The following ACP6 variants were observed in gnomAD, a reference collection of about 807,000 sequenced individuals.
ACP6 encodes the protein lysophosphatidic acid phosphatase type 6.
In ACP6, 48 loss-of-function variants were observed where a neutral mutation model predicts 48.1. The ratio of observed to expected loss-of-function variants is 1.00; its 90% CI spans 0.79 to 1.27. ACP6 has a LOEUF of 1.27. Among genes scored for constraint, ACP6 ranks in the 50% most tolerant of loss-of-function variants. The pLI, the probability that ACP6 is intolerant of heterozygous loss-of-function variation, is 0.00. For synonymous variants in ACP6, 172 were observed against 204.2 expected, an observed-to-expected ratio of 0.84 and a Z score of 1.34; for missense variants, 485 against 529.1, an observed-to-expected ratio of 0.92 and a Z score of 0.82.
chr1:147,652,452 T>A lies in ACP6; in HGVS notation c.878A>T (p.Asp293Val), dbSNP rs782793879. 6.2e-7 allele frequency: 1 copy of A among 1,611,140 alleles called. No homozygotes were observed. The highest frequency in any genetic ancestry group is 8.5e-7 in the Non-Finnish European group (1 of 1,178,564). ...DTSLYILPKE[D>V]RESLQMAVGP... ...GCCAGCAGTGAGAGCCCCTCACCTG[T>A]CTTCCTTGGGCAGTATGTACAAGGA... The change falls in exon 7 of 10, where the codon GAC becomes GTC. Residue 293 changes from aspartate (D) to valine (V), a missense_variant. By Grantham distance (152) the Asp-to-Val change is radical (BLOSUM62 -3). Transcript: ENST00000583509.
At chr1:147,650,464 T>C in intron 7 of ACP6, 1 of 451,092 alleles carries the variant, frequency 2.2e-6, no homozygotes, top group East Asian at 3.9e-5. Context: ...CACACAGACC[T>C]GTTGTGAACA....
intron 6 of ACP6, 65 bp downstream of exon 6, chr1:147,654,129 C>G: frequency 6.3e-7 from 1 of 1,582,832 alleles, no homozygotes; most frequent in Non-Finnish European, 8.6e-7. Flanking sequence ...TCTCTCCACC[C>G]GGTTCTAACT....
intron 8 of ACP6, among the ~76,000 whole-genome samples, 170 bp from the exon 9 acceptor site, chr1:147,648,581 G>C (rs1553209988): frequency 6.6e-6 from 1 of 152,116 alleles, no homozygotes; most frequent in African/African-American, 2.4e-5. Context: ...AAGAACCCTT[G>C]TTCCCACTCC....
rs1553209322 is a variant in ACP6, at chr1:147,645,246, G to A, written c.*2177C>T. The A allele has an allele frequency of 6.6e-6, 1 of 151,612 alleles. No individual in the cohort carries two copies. The highest frequency in any genetic ancestry group is 6.6e-5 in the Admixed American group (1 of 15,244). 9.4% of individuals were successfully genotyped at this position (151,612 alleles called of 1,614,324 possible). On this transcript the variant is annotated 3_prime_UTR_variant, in exon 10 of 10. Coordinates refer to ENST00000583509, the MANE Select transcript of ACP6 (RefSeq NM_016361.5). Reference sequence around the variant, plus strand: ...ATTTTATAAAAATATAATAATTTTTGTATTTTTAGTAGAGGCAGGTTTAGT... The same window carrying A: ...ATTTTATAAAAATATAATAATTTTTATATTTTTAGTAGAGGCAGGTTTAGT...
At position 147,654,086 on chromosome 1, in the gene ACP6, A is replaced by C. The variant is rs782731508; in HGVS notation, c.780+108T>G. 152 of 1,522,112 alleles carry C rather than the reference A, an allele frequency of 1.0e-4. No homozygotes were observed. Among genetic ancestry groups the C allele is most frequent in the Non-Finnish European group, 1.3e-4 (148 of 1,140,008 alleles). 94.3% of individuals were successfully genotyped at this position (1,522,112 alleles called of 1,614,324 possible). ...CCATTCTATCTGTAGGTCTTATCAC[A>C]GTTGCCTTCAAACCAGGAGGCCTCC... is the stretch of plus-strand genomic sequence containing the variant. On this transcript the variant is annotated intron_variant, in intron 6 of 9. Transcript: ENST00000583509.
Position 147,645,260 on chromosome 1 carries a change from G to A in ACP6, c.*2163C>T, listed in dbSNP as rs1659580498. ...TAATAATTTTTGTATTTTTAGTAGAGGCAGGTTTAGTGGAGACAGGGTTTT... is the reference window on the plus strand; with the variant it reads ...TAATAATTTTTGTATTTTTAGTAGAAGCAGGTTTAGTGGAGACAGGGTTTT... On this transcript the variant is annotated 3_prime_UTR_variant, in exon 10 of 10. Transcript: ENST00000583509. 1 of 151,838 alleles carries A rather than the reference G, an allele frequency of 6.6e-6. No homozygotes were observed. The highest frequency in any genetic ancestry group is 1.5e-5 in the Non-Finnish European group (1 of 67,954). 9.4% of individuals were successfully genotyped at this position (151,838 alleles called of 1,614,324 possible). A position where few individuals can be genotyped will look rare whatever the true frequency, so the allele number is the denominator to read the frequency against.
Position 147,650,241 on chromosome 1 carries a change from G to A in ACP6, c.882-3C>T, listed in dbSNP as rs781788159. On this transcript the variant is annotated splice_region_variant and splice_polypyrimidine_tract_variant and intron_variant, in intron 7 of 9. Transcript: ENST00000583509. ...CTACTGCCATCTGAAGACTTTCCCT[G>A]TGAAAAGTGAACAACATTTAAGCAC... is the stretch of plus-strand genomic sequence containing the variant. 6 of 1,593,256 alleles carry A rather than the reference G, an allele frequency of 3.8e-6. No homozygotes were observed. The East Asian group carries it at 6.9e-5, about 18-fold the overall frequency.
chr1:147,658,672 C>T (rs1553212105), intron 4 of ACP6, among the ~76,000 whole-genome samples: 1 of 152,170 alleles, frequency 6.6e-6, no homozygotes, highest in African/African-American at 2.4e-5. Flanking sequence ...GTTCACAAAA[C>T]ATGGTTAGGA....
At chr1:147,652,220 G>A in intron 7 of ACP6, 1 of 449,346 alleles carries the variant, frequency 2.2e-6, no homozygotes, top group Non-Finnish European at 3.9e-6. Flanking sequence ...TCATGAGGGT[G>A]GTGGCTCCTG....
At chr1:147,641,940 C>T (rs1370681399), downstream of ACP6, among the ~76,000 whole-genome samples, 10 of 152,222 alleles carry the variant, frequency 6.6e-5, no homozygotes, top group African/African-American at 2.4e-4. Flanking sequence ...TTAAGAATCT[C>T]GTGGGAAGTG....
intron 1 of ACP6, among the ~76,000 whole-genome samples, chr1:147,660,099 G>A (rs782584553): frequency 1.3e-5 from 2 of 152,276 alleles, no homozygotes; most frequent in African/African-American, 4.8e-5. Context: ...GTGAATGAAC[G>A]AATAGATGGA....
At chr1:147,659,096 T>G in intron 3 of ACP6, 57 bp from the exon 4 acceptor site, 1 of 1,460,442 alleles carries the variant, frequency 6.8e-7, no homozygotes, top group Non-Finnish European at 9.4e-7. Context: ...TTATATACAC[T>G]CTATTTTATT....
intron 4 of ACP6, 87 bp from the exon 5 acceptor site, chr1:147,655,335 A>T: frequency 9.8e-7 from 1 of 1,021,502 alleles, no homozygotes; most frequent in Non-Finnish European, 1.5e-6. Flanking sequence ...GTCTACAGAG[A>T]TGGAGCAGAG....
At chr1:147,635,342 G>C (rs1019223648) in intron 5 of ACP6, among the ~76,000 whole-genome samples, 4 of 152,184 alleles carry the variant, frequency 2.6e-5, no homozygotes, top group Non-Finnish European at 5.9e-5. Context: ...GCCATTTGTG[G>C]CTTAAAGGTA....
chr1:147,658,107 T>C (rs3766510), intron 4 of ACP6, among the ~76,000 whole-genome samples: 16,232 of 152,252 alleles, frequency 0.11, 1,110 homozygotes, highest in East Asian at 0.34. Flanking sequence ...ACGTACTGTT[T>C]GTGTGCAGCA....
At chr1:147,657,208 C>T (rs902056805) in intron 4 of ACP6, among the ~76,000 whole-genome samples, 4 of 151,904 alleles carry the variant, frequency 2.6e-5, no homozygotes, top group Non-Finnish European at 4.4e-5. Flanking sequence ...GATTTTGGAC[C>T]CAGTTTATGA....
intron 1 of ACP6, among the ~76,000 whole-genome samples, chr1:147,669,263 A>G (rs1660954794): frequency 5.3e-5 from 1 of 18,786 alleles, no homozygotes. Flanking sequence ...AGAATACAAC[A>G]CTTGTTACAA....
At chr1:147,640,523 T>G (rs1399762929), downstream of ACP6, among the ~76,000 whole-genome samples, 1 of 152,238 alleles carries the variant, frequency 6.6e-6, no homozygotes, top group East Asian at 1.9e-4. Context: ...CCATACCTAA[T>G]CTATGTCATT....
intron 1 of ACP6, among the ~76,000 whole-genome samples, chr1:147,666,151 T>C (rs587607072): frequency 1.6e-4 from 25 of 152,290 alleles, no homozygotes; most frequent in African/African-American, 5.5e-4. Context: ...GCTTCCTGAC[T>C]TTTACATAAA....
Sources: gnomAD v4.1 joint callset for allele counts (sites outside exome capture counted in the v4.1 genomes callset) on GRCh38, gnomAD v4.1.1 for gene constraint, MANE v1.5 for transcripts, NCBI Gene and HGNC (gene_info 2026-07-23, HGNC 2026-07-21) for gene names.